The following TNFSF13B variants were observed in gnomAD, a reference collection of about 807,000 sequenced individuals.
The protein encoded by TNFSF13B is TNF superfamily member 13b.
Under a neutral mutation model 29.1 loss-of-function variants are expected in TNFSF13B, and 8 were observed. The observed-to-expected ratio is 0.27, with a 90% CI of 0.16 to 0.50. The LOEUF (loss-of-function observed/expected upper bound fraction) is 0.50. Ranked by LOEUF, TNFSF13B falls within the 20% of genes least tolerant of loss-of-function variation. The pLI is 0.98. For synonymous variants in TNFSF13B, 125 were observed against 130.8 expected, an observed-to-expected ratio of 0.96 and a Z score of 0.30; for missense variants, 248 against 334.9, an observed-to-expected ratio of 0.74 and a Z score of 2.03.
At chr13:108,300,152 T>G (rs1353169655) in intron 3 of TNFSF13B, among the ~76,000 whole-genome samples, 1 of 152,170 alleles carries the variant, frequency 6.6e-6, no homozygotes, top group Non-Finnish European at 1.5e-5. Flanking sequence ...TGGAGGGCAT[T>G]TCATTACCAA....
chr13:108,278,809 A>G (rs950370939), intron 2 of TNFSF13B, among the ~76,000 whole-genome samples: 2 of 145,610 alleles, frequency 1.4e-5, no homozygotes, highest in Non-Finnish European at 3.0e-5. Context: ...GACAGCAGCT[A>G]TGAAGTCTCA....
Position 108,287,328 on chromosome 13 carries a change from T to C in TNFSF13B, c.481+469T>C, listed in dbSNP as rs184398800. On this transcript the variant is annotated intron_variant, in intron 3 of 5. Transcript: ENST00000375887. ...CACTTAGAATTCAGTCCACTCCAAA[T>C]ATTTGTAAGTTTCAAGTCTAAAGAC... is the stretch of plus-strand genomic sequence containing the variant. Among the ~76,000 whole-genome samples the C allele has an allele frequency of 2.7e-3, 416 of 152,284 alleles. 1 individual carries two copies. The highest frequency in any genetic ancestry group is 5.0e-3 in the Non-Finnish European group (339 of 68,026).
chr13:108,281,018 A>C (rs1248512031), intron 2 of TNFSF13B, among the ~76,000 whole-genome samples: 1 of 152,170 alleles, frequency 6.6e-6, no homozygotes, highest in African/African-American at 2.4e-5. Context: ...AGGCTGAGGT[A>C]GGTGGATCAC....
chr13:108,271,444 TCACACACACACA>T lies in TNFSF13B; in HGVS notation c.424+1054_424+1065del, dbSNP rs59438208. On this transcript the variant is annotated intron_variant, in intron 2 of 5. Coordinates refer to ENST00000375887, the MANE Select transcript of TNFSF13B (RefSeq NM_006573.5). ...GAGAGATAGACCAGGGACCCTTCTATCACACACACACACACACACACACACACACACACACAC... is the reference window on the plus strand; with the variant it reads ...GAGAGATAGACCAGGGACCCTTCTATCACACACACACACACACACACACAC... 7.2e-3 allele frequency among the ~76,000 whole-genome samples: 1,030 copies of T among 142,994 alleles called. 5 individuals are homozygous for T. The highest frequency in any genetic ancestry group is 0.022 in the African/African-American group (855 of 38,426). The allele number at this position is 142,994 out of a possible 152,430, so 93.8% of individuals were successfully genotyped here.
chr13:108,296,088 T>G (rs552143628), intron 3 of TNFSF13B, among the ~76,000 whole-genome samples: 1 of 146,058 alleles, frequency 6.8e-6, no homozygotes, highest in South Asian at 2.1e-4. Context: ...TGGAGTGTTT[T>G]CTATGTGTCT....
intron 3 of TNFSF13B, among the ~76,000 whole-genome samples, chr13:108,292,036 T>G (rs562384597): frequency 1.3e-5 from 2 of 150,026 alleles, no homozygotes; most frequent in East Asian, 4.1e-4. Context: ...TAATGTAGTA[T>G]TCACAATATT....
intron 2 of TNFSF13B, among the ~76,000 whole-genome samples, chr13:108,283,287 C>T (rs1264856013): frequency 6.6e-6 from 1 of 152,254 alleles, no homozygotes; most frequent in Admixed American, 6.5e-5. Flanking sequence ...GACAATTATT[C>T]ATTCTGCATC....
At position 108,270,245 on chromosome 13, in the gene TNFSF13B, A is replaced by G. The variant is rs750000208; in HGVS notation, c.339+11A>G. 2 of 1,609,138 alleles carry G rather than the reference A, an allele frequency of 1.2e-6. No individual in the cohort carries two copies. The highest frequency in any genetic ancestry group is 1.7e-6 in the Non-Finnish European group (2 of 1,178,170). The stretch of plus-strand genomic sequence containing the variant: ...ACCGCGGGACTGAAAGTGAGTTTGC[A>G]GCAGCTGCAAGACGCAGGCAAGATC... On this transcript the variant is annotated intron_variant, in intron 1 of 5. Coordinates refer to ENST00000375887, the MANE Select transcript of TNFSF13B (RefSeq NM_006573.5).
intron 5 of TNFSF13B, among the ~76,000 whole-genome samples, chr13:108,303,959 A>T (rs1215271524): frequency 6.6e-6 from 1 of 152,204 alleles, no homozygotes; most frequent in Non-Finnish European, 1.5e-5. Flanking sequence ...TAACAACAAT[A>T]ATAATATCTG....
At chr13:108,287,342 A>G (rs1302189646) in intron 3 of TNFSF13B, among the ~76,000 whole-genome samples, 1 of 152,194 alleles carries the variant, frequency 6.6e-6, no homozygotes, top group Non-Finnish European at 1.5e-5. Context: ...TGTAAGTTTC[A>G]AGTCTAAAGA....
rs1303186225 is a variant in TNFSF13B, at chr13:108,270,100, G to C, written c.205G>C (p.Val69Leu). 6.2e-7 allele frequency: 1 copy of C among 1,603,836 alleles called. No individual in the cohort carries two copies. The highest frequency in any genetic ancestry group is 8.5e-7 in the Non-Finnish European group (1 of 1,179,944). Residue 69 changes from valine to leucine, a missense_variant, in exon 1 of 6, where the codon GTG becomes CTG. Transcript: ENST00000375887. ...CCTCACGGTGGTGTCTTTCTACCAG[G>C]TGGCCGCCCTGCAAGGGGACCTGGC... ...CCLTVVSFYQ[V>L]AALQGDLASL...
intron 2 of TNFSF13B, among the ~76,000 whole-genome samples, chr13:108,276,962 T>A (rs907390096): frequency 1.3e-4 from 20 of 152,128 alleles, no homozygotes; most frequent in Non-Finnish European, 1.8e-4. Flanking sequence ...ATTTTTTTTT[T>A]AAAAGACATT....
rs1271524307 is a variant in TNFSF13B at position 108,269,977 on chromosome 13, G to A, written c.82G>A (p.Val28Ile). The A allele has an allele frequency of 6.2e-7, 1 of 1,613,518 alleles. No homozygotes were observed. The highest frequency in any genetic ancestry group is 8.5e-7 in the Non-Finnish European group (1 of 1,180,020). ...AGAAGAAATGAAACTGAAGGAGTGT[G>A]TTTCCATCCTCCCACGGAAGGAAAG... is the stretch of plus-strand genomic sequence containing the variant. ...KREEMKLKEC[V>I]SILPRKESPS... The change falls in exon 1 of 6, where the codon GTT (valine) becomes ATT (isoleucine). Residue 28 changes from valine to isoleucine, a missense_variant. Physicochemically the swap from Val to Ile is conservative, Grantham distance 29. Around this residue, in one of 2 missense-constraint regions of TNFSF13B, gnomAD observed 186 missense variants for 196.3 expected, o/e 0.95. Coordinates refer to ENST00000375887, the MANE Select transcript of TNFSF13B (RefSeq NM_006573.5).
chr13:108,282,772 T>A (rs1481422662), intron 2 of TNFSF13B, among the ~76,000 whole-genome samples: 1 of 152,152 alleles, frequency 6.6e-6, no homozygotes, highest in Admixed American at 6.5e-5. Context: ...TCCCCAGAAA[T>A]GTATATTCAG....
intron 2 of TNFSF13B, among the ~76,000 whole-genome samples, chr13:108,272,182 TTTGA>T (rs1388310191): frequency 3.3e-5 from 5 of 152,280 alleles, no homozygotes; most frequent in Middle Eastern, 3.4e-3. Context: ...TTCTGCATAT[TTTGA>T]TTATTTATAA....
intron 2 of TNFSF13B, among the ~76,000 whole-genome samples, chr13:108,271,570 A>G (rs16972199): frequency 0.032 from 4,804 of 152,160 alleles, 267 homozygotes; most frequent in Admixed American, 0.14. Context: ...TTATAAAACC[A>G]TAATTTTTGG....
chr13:108,290,698 T>C (rs1037796152), intron 3 of TNFSF13B, among the ~76,000 whole-genome samples: 1 of 152,068 alleles, frequency 6.6e-6, no homozygotes, highest in South Asian at 2.1e-4. Context: ...TAATTCTTTA[T>C]ATTACTAATT....
intron 3 of TNFSF13B, among the ~76,000 whole-genome samples, chr13:108,291,123 C>T (rs937870152): frequency 6.6e-6 from 1 of 151,634 alleles, no homozygotes; most frequent in Non-Finnish European, 1.5e-5. Flanking sequence ...TTATGCACCC[C>T]AATAAAATGG....
At chr13:108,303,028 G>A (rs1594535321) in intron 3 of TNFSF13B, 2 of 513,104 alleles carry the variant, frequency 3.9e-6, no homozygotes, top group Non-Finnish European at 6.3e-6. Flanking sequence ...TTAGCTCTCA[G>A]GTTCTTGTAT....
Sources: allele counts gnomAD v4.1 joint callset (sites outside exome capture counted in the v4.1 genomes callset), GRCh38; gene constraint gnomAD v4.1.1; regional missense constraint gnomAD v4.1.1; transcripts MANE v1.5; gene names NCBI Gene and HGNC (gene_info 2026-07-23, HGNC 2026-07-21).